SMAD4: variants seen among roughly 807,000 people sequenced by gnomAD.
SMAD4 encodes the protein SMAD family member 4.
Under a neutral mutation model 63.2 loss-of-function variants are expected in SMAD4, and 7 were observed. That is an observed-to-expected ratio of 0.11 (90% CI 0.06 to 0.21). The LOEUF (loss-of-function observed/expected upper bound fraction) is 0.21, where lower values mean the gene tolerates loss of function less well. Ranked by LOEUF, SMAD4 falls within the 10% of genes least tolerant of loss-of-function variation. The pLI, the probability that SMAD4 is intolerant of heterozygous loss-of-function variation, is 1.00. For missense variants in SMAD4, 312 were observed against 693.8 expected, an observed-to-expected ratio of 0.45 and a Z score of 6.18; for synonymous variants, 215 against 235.4, an observed-to-expected ratio of 0.91 and a Z score of 0.79.
intron 4 of SMAD4, 100 bp downstream of exon 4, chr18:51,049,424 A>AT (rs1254876950): frequency 7.0e-6 from 6 of 853,462 alleles, no homozygotes; most frequent in Non-Finnish European, 1.2e-5. Context: ...AGGCAGTAAC[A>AT]TTAACAAGAA....
At chr18:51,075,581 T>G (rs1048827980) in intron 10 of SMAD4, among the ~76,000 whole-genome samples, 6 of 152,156 alleles carry the variant, frequency 3.9e-5, no homozygotes, top group Admixed American at 3.9e-4. Context: ...TTTTTAAAAA[T>G]GCAAATAAAC....
intron 11 of SMAD4, 30 bp downstream of exon 11, chr18:51,076,806 G>A (rs2144475038): frequency 6.7e-7 from 1 of 1,502,486 alleles, no homozygotes; most frequent in Non-Finnish European, 9.1e-7. Flanking sequence ...TTTTTTAAAG[G>A]TATAATAGTT....
intron 11 of SMAD4, chr18:51,077,440 A>T (rs2144476239): frequency 2.1e-6 from 2 of 964,840 alleles, no homozygotes; most frequent in Non-Finnish European, 1.2e-6. Context: ...CACACTGGCT[A>T]AGAAAACTGC....
At chr18:51,047,393 C>T (rs547314824) in intron 2 of SMAD4, 98 bp downstream of exon 2, 1 of 1,073,326 alleles carries the variant, frequency 9.3e-7, no homozygotes, top group Non-Finnish European at 1.4e-6. Context: ...TTAATTTGTG[C>T]TCCATCTCTT....
At chr18:51,076,033 C>A (rs190285888) in intron 10 of SMAD4, among the ~76,000 whole-genome samples, 13 of 152,220 alleles carry the variant, frequency 8.5e-5, no homozygotes, top group Admixed American at 7.8e-4. Flanking sequence ...CCCATATACC[C>A]ATCGCACGGA....
rs1555688055 is a variant in SMAD4, at chr18:51,084,012, G to GCGCACACA, written c.*5546_*5547insGCACACAC. 2.3e-3 allele frequency: 381 copies of GCGCACACA among 162,780 alleles called. 1 individual carries two copies. Among genetic ancestry groups the GCGCACACA allele is most frequent in the South Asian group, 6.1e-3 (26 of 4,258 alleles). The allele number at this position is 162,780 out of a possible 1,614,324, so 10.1% of individuals were successfully genotyped here. A position where few individuals can be genotyped will look rare whatever the true frequency, so the allele number is the denominator to read the frequency against. On this transcript the variant is annotated 3_prime_UTR_variant, in exon 12 of 12. Transcript: ENST00000342988. ...TTAACGCGCGTGCGCACGCGCGCGC[G>GCGCACACA]CACACACACACACACACACACACAC...
At chr18:51,073,388 T>TATATATATATATATA (rs1417299090) in intron 10 of SMAD4, among the ~76,000 whole-genome samples, 2 of 64,186 alleles carry the variant, frequency 3.1e-5, no homozygotes, top group Admixed American at 1.9e-4. Flanking sequence ...TATATATATA[T>TATATATATATATATA]ACACACACAC....
intron 4 of SMAD4, 86 bp downstream of exon 4, chr18:51,049,410 C>T (rs1028546953): frequency 5.3e-6 from 5 of 948,288 alleles, no homozygotes; most frequent in Non-Finnish European, 6.9e-6. Context: ...TTTGTGTGAG[C>T]GGCAGGCAGT....
rs750111831 is a variant in SMAD4, at chr18:51,058,408, G to A, written c.856G>A (p.Gly286Ser). Residue 286 changes from glycine (G) to serine (S), a missense_variant, in exon 7 of 12, where the codon GGC becomes AGC. Physicochemically the swap from Gly to Ser is moderately conservative, Grantham distance 56 (BLOSUM62 0). This residue lies in a region of SMAD4 where 169 missense variants were observed against 211.0 expected (regional missense o/e 0.80). Coordinates refer to ENST00000342988, the MANE Select transcript of SMAD4 (RefSeq NM_005359.6). ...YTPNLPHHQNGHLQHHPPMPP... is the reference protein window; with the variant it reads ...YTPNLPHHQNSHLQHHPPMPP... ...ACCTAATTTGCCTCACCACCAAAAC[G>A]GCCATCTTCAGCACCACCCGCCTAT... The A allele has an allele frequency of 2.5e-6, 4 of 1,613,442 alleles. No individual in the cohort carries two copies. The highest frequency in any genetic ancestry group is 2.7e-5 in the African/African-American group (2 of 74,744).
intron 1 of SMAD4, among the ~76,000 whole-genome samples, chr18:51,046,622 A>G (rs1174977447): frequency 6.6e-6 from 1 of 152,118 alleles, no homozygotes; most frequent in Non-Finnish European, 1.5e-5. Context: ...TAGGGTGACT[A>G]GTAAAGTCAG....
rs1333791246 is a variant in SMAD4, at chr18:51,043,651, C to T, written c.-127-3269C>T. Among the ~76,000 whole-genome samples, 7 of 152,020 alleles carry T rather than the reference C, an allele frequency of 4.6e-5. No individual in the cohort carries two copies. The East Asian group carries it at 7.7e-4, about 17-fold the overall frequency. ...TGAGAAAGCTGTTTGTTTAAGAAAGCGAGGTCATTATCATTTGTATTCAAA... is the reference window on the plus strand; with the variant it reads ...TGAGAAAGCTGTTTGTTTAAGAAAGTGAGGTCATTATCATTTGTATTCAAA... On this transcript the variant is annotated intron_variant, in intron 1 of 11. Coordinates refer to ENST00000342988, the MANE Select transcript of SMAD4 (RefSeq NM_005359.6).
intron 4 of SMAD4, among the ~76,000 whole-genome samples, chr18:51,050,372 G>A (rs1909673222): frequency 1.3e-5 from 2 of 149,748 alleles, no homozygotes; most frequent in Admixed American, 1.3e-4. Context: ...AAAAAAAGTG[G>A]GGGGAGGCTG....
intron 1 of SMAD4, among the ~76,000 whole-genome samples, chr18:51,043,239 A>G (rs1447814385): frequency 1.3e-5 from 2 of 152,176 alleles, no homozygotes; most frequent in Non-Finnish European, 2.9e-5. Context: ...CTTTCTTACT[A>G]TGGGCTTCCT....
intron 9 of SMAD4, among the ~76,000 whole-genome samples, chr18:51,066,665 TTTTAA>T (rs1158524886): frequency 4.1e-4 from 63 of 152,310 alleles, no homozygotes; most frequent in African/African-American, 1.3e-3. Context: ...TTCTAATTAG[TTTTAA>T]TTTAATTTAA....
At chr18:51,065,373 C>A (rs2144445965) in intron 8 of SMAD4, 50 bp from the exon 9 acceptor site, 2 of 1,482,076 alleles carry the variant, frequency 1.3e-6, no homozygotes, top group African/African-American at 1.4e-5. Context: ...CAAGTGAAAG[C>A]CTTATATCTT....
At chr18:51,052,775 C>CA (rs1157066079) in intron 4 of SMAD4, 2 of 192,862 alleles carry the variant, frequency 1.0e-5, no homozygotes, top group East Asian at 1.3e-4. Flanking sequence ...TTTCTATATG[C>CA]AAAAAATACA....
chr18:51,047,681 C>T (rs1214444722), intron 2 of SMAD4, among the ~76,000 whole-genome samples: 4 of 151,736 alleles, frequency 2.6e-5, no homozygotes, highest in Non-Finnish European at 4.4e-5. Flanking sequence ...TGATCTTGGC[C>T]CACTGCAACC....
chr18:51,034,949 G>A (rs964501304), intron 1 of SMAD4, among the ~76,000 whole-genome samples: 5 of 152,212 alleles, frequency 3.3e-5, no homozygotes, highest in Admixed American at 3.3e-4. Context: ...TTGGTCTAGG[G>A]TGCAGCCAGG....
intron 4 of SMAD4, chr18:51,053,232 T>C (rs558819456): frequency 1.8e-4 from 27 of 151,976 alleles, no homozygotes; most frequent in Non-Finnish European, 3.4e-4. Flanking sequence ...AACCAGTAAG[T>C]TGGTAAAAAG....
Sources: allele counts gnomAD v4.1 joint callset (sites outside exome capture counted in the v4.1 genomes callset), GRCh38; gene constraint gnomAD v4.1.1; regional missense constraint gnomAD v4.1.1; transcripts MANE v1.5; gene names NCBI Gene and HGNC (gene_info 2026-07-23, HGNC 2026-07-21).